LENG8: variants seen among roughly 807,000 people sequenced by gnomAD.
LENG8 encodes the protein leukocyte receptor cluster member 8, also known as leukocyte receptor cluster (LRC) member 8.
LENG8 carries 28 observed loss-of-function variants against 102.1 expected under a neutral mutation model. The ratio of observed to expected loss-of-function variants is 0.27; its 90% CI spans 0.20 to 0.38. The LOEUF (loss-of-function observed/expected upper bound fraction) is 0.38. Ranked by LOEUF, LENG8 falls within the 10% of genes least tolerant of loss-of-function variation. LENG8 has a pLI of 1.00. For missense variants in LENG8, 1,022 were observed against 1,113.9 expected (o/e 0.92, Z 1.17); for synonymous variants, 531 against 456.7 (o/e 1.16, Z -2.07).
At chr19:54,459,992 G>A (rs751639428) in intron 15 of LENG8, 18 of 1,239,662 alleles carry the variant, frequency 1.5e-5, no homozygotes, top group Non-Finnish European at 1.9e-5. Context: ...AGCCATGAGT[G>A]CCCCTCGTGG....
chr19:54,458,929 T>G, intron 15 of LENG8: 1 of 1,524,598 alleles, frequency 6.6e-7, no homozygotes, highest in South Asian at 1.2e-5. Flanking sequence ...CAGCCTCTGG[T>G]CTACCAGGAC....
At chr19:54,457,330 T>A (rs1326742793) in intron 11 of LENG8, among the ~76,000 whole-genome samples, 2 of 152,250 alleles carry the variant, frequency 1.3e-5, no homozygotes, top group East Asian at 3.9e-4. Flanking sequence ...TCTTAACCCA[T>A]GTCTTGTGGG....
At position 54,458,361 on chromosome 19, in the gene LENG8, C is replaced by T; in HGVS notation, c.2080C>T (p.Pro694Ser). 1 of 1,614,212 alleles carries T rather than the reference C, an allele frequency of 6.2e-7. No homozygotes were observed. Among genetic ancestry groups the T allele is most frequent in the South Asian group, 1.1e-5 (1 of 91,086 alleles). Residue 694 changes from proline (P) to serine (S), a missense_variant, in exon 15 of 16, where the codon CCT (proline) becomes TCT (serine). By Grantham distance (74) the Pro-to-Ser change is moderately conservative (BLOSUM62 -1). Coordinates refer to ENST00000326764, the MANE Select transcript of LENG8 (RefSeq NM_052925.4). ...CCTCACACGAGAACTGAAGGCAGAT[C>T]CTTGCGTGGCCCACGCCTTGGCATT... ...AYLTRELKAD[P>S]CVAHALALRT...
intron 7 of LENG8, 36 bp from the exon 8 acceptor site, chr19:54,455,328 C>T (rs368808882): frequency 2.0e-5 from 32 of 1,605,284 alleles, no homozygotes; most frequent in East Asian, 1.3e-4. Flanking sequence ...AGTTTGGGAT[C>T]GTCTCCAGCT....
chr19:54,460,749 T>TC lies in LENG8; in HGVS notation c.2241-15dup. 1.7e-6 allele frequency: 1 copy of TC among 574,686 alleles called. No individual in the cohort carries two copies. The highest frequency in any genetic ancestry group is 2.8e-6 in the Non-Finnish European group (1 of 360,642). The allele number at this position is 574,686 out of a possible 1,614,324, so 35.6% of individuals were successfully genotyped here. A position where few individuals can be genotyped will look rare whatever the true frequency, so the allele number is the denominator to read the frequency against. ...CCCGCCCGCCCGCCTCATCACCTTCTCCTCTTGTCTCCATAGCTTCCGCCC... is the reference window on the plus strand; with the variant it reads ...CCCGCCCGCCCGCCTCATCACCTTCTCCCTCTTGTCTCCATAGCTTCCGCCC... On this transcript the variant is annotated splice_polypyrimidine_tract_variant and intron_variant, in intron 15 of 15. Transcript: ENST00000326764.
chr19:54,461,086 C>A lies in LENG8; in HGVS notation c.*158C>A. Reference sequence around the variant, plus strand: ...TGCCCCCGTTTTCCCACCGGGGAGTCTGTACAGAGATTTTTCTACGTTTTT... The same window carrying A: ...TGCCCCCGTTTTCCCACCGGGGAGTATGTACAGAGATTTTTCTACGTTTTT... On this transcript the variant is annotated 3_prime_UTR_variant, in exon 16 of 16. Transcript: ENST00000326764. 9.1e-7 allele frequency: 1 copy of A among 1,097,314 alleles called. No individual in the cohort carries two copies. The highest frequency in any genetic ancestry group is 1.3e-6 in the Non-Finnish European group (1 of 756,036). 68.0% of individuals were successfully genotyped at this position (1,097,314 alleles called of 1,614,324 possible). A position where few individuals can be genotyped will look rare whatever the true frequency, so the allele number is the denominator to read the frequency against.
At chr19:54,458,910 C>T in intron 15 of LENG8, 2 of 1,538,176 alleles carry the variant, frequency 1.3e-6, no homozygotes, top group South Asian at 1.2e-5. Context: ...ACCATAGAGA[C>T]CATCTAGACA....
chr19:54,460,723 TC>T, intron 15 of LENG8, 42 bp from the exon 16 acceptor site: 3 of 445,066 alleles, frequency 6.7e-6, no homozygotes, highest in East Asian at 1.2e-4. Flanking sequence ...TCCCCTGCCC[TC>T]CCGCCCGCCC....
intron 15 of LENG8, chr19:54,460,418 G>C: frequency 8.0e-7 from 1 of 1,243,872 alleles, no homozygotes; most frequent in Non-Finnish European, 1.0e-6. Flanking sequence ...GGTGGCCCTG[G>C]CAGCCCCGCC....
rs767634476 is a variant in LENG8, at chr19:54,454,632, C to G, written c.629C>G (p.Thr210Ser). 4.4e-6 allele frequency: 7 copies of G among 1,608,336 alleles called. No homozygotes were observed. The highest frequency in any genetic ancestry group is 4.2e-6 in the Non-Finnish European group (5 of 1,178,946). The change falls in exon 6 of 16, where the codon ACC becomes AGC. Residue 210 changes from threonine to serine, a missense_variant. Around this residue, in one of 7 missense-constraint regions of LENG8, gnomAD observed 343 missense variants for 320.2 expected, o/e 1.07. Coordinates refer to ENST00000326764, the MANE Select transcript of LENG8 (RefSeq NM_052925.4). ...CAGGCCTATGGGCCACACACCTACA[C>G]CGAACCTGCCAAGCCCAAGAAGGGC... ...TGQAYGPHTY[T>S]EPAKPKKGQQ...
intron 10 of LENG8, 34 bp from the exon 11 acceptor site, chr19:54,456,602 C>T (rs768209350): frequency 6.3e-7 from 1 of 1,583,148 alleles, no homozygotes. Flanking sequence ...GCTGGAGACG[C>T]CTGTCGCGCT....
At chr19:54,459,869 T>C in intron 15 of LENG8, 1 of 1,168,062 alleles carries the variant, frequency 8.6e-7, no homozygotes, top group Non-Finnish European at 1.1e-6. Flanking sequence ...CTTAGTCTGC[T>C]GCCATGATGG....
At chr19:54,451,681 C>G (rs2083967926) in intron 2 of LENG8, among the ~76,000 whole-genome samples, 1 of 152,174 alleles carries the variant, frequency 6.6e-6, no homozygotes, top group South Asian at 2.1e-4. Context: ...AATACACAGT[C>G]ATTTATTTGT....
rs1182395009 is a variant in LENG8, at chr19:54,455,991, G to T, written c.1050G>T (p.Glu350Asp). 6.2e-7 allele frequency: 1 copy of T among 1,612,894 alleles called. No homozygotes were observed. The highest frequency in any genetic ancestry group is 8.5e-7 in the Non-Finnish European group (1 of 1,179,764). ...LPGLTREPVA[E>D]SPKKKRWEAA... is the part of the protein sequence containing the mutation. ...GGCTGACCCGGGAGCCTGTGGCTGA[G>T]AGCCCTAAGAAGAAGCGGTGGGAGG... is the stretch of plus-strand genomic sequence containing the variant. The change falls in exon 9 of 16, where the codon GAG (glutamate) becomes GAT (aspartate). Residue 350 changes from glutamate (E) to aspartate (D), a missense_variant. Physicochemically the swap from Glu to Asp is conservative, Grantham distance 45 (BLOSUM62 2). Transcript: ENST00000326764.
At chr19:54,459,921 G>C (rs763831728) in intron 15 of LENG8, 107 of 1,198,316 alleles carry the variant, frequency 8.9e-5, no homozygotes, top group Non-Finnish European at 1.1e-4. Flanking sequence ...GCTACACAGG[G>C]GTGTGTGGTT....
At chr19:54,450,025 A>G (rs2083882790) in intron 1 of LENG8, among the ~76,000 whole-genome samples, 1 of 152,006 alleles carries the variant, frequency 6.6e-6, no homozygotes, top group Non-Finnish European at 1.5e-5. Flanking sequence ...GGGATTAATT[A>G]TCCTACTTAT....
At chr19:54,451,923 A>C in intron 2 of LENG8, 170 bp from the exon 3 acceptor site, 1 of 576,768 alleles carries the variant, frequency 1.7e-6, no homozygotes, top group Non-Finnish European at 3.0e-6. Context: ...CCCTCCCAGC[A>C]GACTCTGAAG....
rs1051447640 is a variant in LENG8 at position 54,460,848 on chromosome 19, C to G, written c.2323C>G (p.Pro775Ala). 3.2e-6 allele frequency: 5 copies of G among 1,572,646 alleles called. No individual in the cohort carries two copies. The highest frequency in any genetic ancestry group is 4.3e-6 in the Non-Finnish European group (5 of 1,160,282). Residue 775 changes from proline to alanine, a missense_variant, in exon 16 of 16, where the codon CCC becomes GCC. Physicochemically the swap from Pro to Ala is conservative, Grantham distance 27. Around this residue, in one of 7 missense-constraint regions of LENG8, gnomAD observed 129 missense variants for 123.0 expected, o/e 1.05. Coordinates refer to ENST00000326764, the MANE Select transcript of LENG8 (RefSeq NM_052925.4). ...GGCCGCCTGCCGGGCCTTCCTAGAG[C>G]CCCTGGGCCTGGCCTACACGGGCCC... ...GEAACRAFLE[P>A]LGLAYTGPDN...
At chr19:54,457,260 C>T (rs543876434) in intron 11 of LENG8, among the ~76,000 whole-genome samples, 2 of 152,204 alleles carry the variant, frequency 1.3e-5, no homozygotes, top group African/African-American at 4.8e-5. Flanking sequence ...AGTCACTGTT[C>T]TGCTGCAGAA....
Sources: allele counts gnomAD v4.1 joint callset (sites outside exome capture counted in the v4.1 genomes callset), GRCh38; gene constraint gnomAD v4.1.1; regional missense constraint gnomAD v4.1.1; transcripts MANE v1.5; gene names NCBI Gene and HGNC (gene_info 2026-07-23, HGNC 2026-07-21).